Variants in SNAP29 observed in about 807,000 individuals in gnomAD.
SNAP29 encodes the protein synaptosomal-associated protein 29.
SNAP29 carries 13 observed loss-of-function variants against 27.9 expected under a neutral mutation model. The ratio of observed to expected loss-of-function variants is 0.47; its 90% confidence interval spans 0.30 to 0.74. The LOEUF is 0.74. SNAP29 is among the 30% of genes least tolerant of loss of function. SNAP29 has a pLI of 0.06. For synonymous variants in SNAP29, 119 were observed against 127.1 expected (o/e 0.94, Z 0.43); for missense variants, 368 against 336.5 (o/e 1.09, Z -0.73).
chr22:20,873,490 C>T (rs1928645811), intron 2 of SNAP29, among the ~76,000 whole-genome samples: 1 of 151,958 alleles, frequency 6.6e-6, no homozygotes, highest in South Asian at 2.1e-4. Context: ...TGGGGAGAAA[C>T]CAGTGTAGGT....
rs536610214 is a variant in SNAP29 at position 20,879,074 on chromosome 22, A to G, written c.435-1975A>G. 3.7e-4 allele frequency among the ~76,000 whole-genome samples: 56 copies of G among 152,208 alleles called. No individual in the cohort carries two copies. In the South Asian group the frequency reaches 0.011, roughly 30 times the overall value. On this transcript the variant is annotated intron_variant, in intron 2 of 4. Coordinates refer to ENST00000215730, the MANE Select transcript of SNAP29 (RefSeq NM_004782.4). ...TGTAATCCCAGCACTTTGGGAGGCC[A>G]AGGTGGGCGGATCACGAGGTCAGGA...
chr22:20,873,964 C>CAAA lies in SNAP29; in HGVS notation c.434+3458_434+3460dup, dbSNP rs362036. Among the ~76,000 whole-genome samples the CAAA allele has an allele frequency of 3.1e-4, 8 of 25,976 alleles. 1 individual carries two copies. The highest frequency in any genetic ancestry group is 5.0e-4 in the Non-Finnish European group (8 of 15,944). The allele number at this position is 25,976 out of a possible 152,430, so 17.0% of individuals were successfully genotyped here. On this transcript the variant is annotated intron_variant, in intron 2 of 4. Transcript: ENST00000215730. ...CCTGGGTAACAGTGAGACTCTGTCTCAAAAAAAAAAAAAAAAAAAAAAAAA... is the reference window on the plus strand; with the variant it reads ...CCTGGGTAACAGTGAGACTCTGTCTCAAAAAAAAAAAAAAAAAAAAAAAAAAAA...
At chr22:20,882,196 T>C (rs1427336767) in intron 3 of SNAP29, among the ~76,000 whole-genome samples, 1 of 151,832 alleles carries the variant, frequency 6.6e-6, no homozygotes, top group Non-Finnish European at 1.5e-5. Context: ...CATGTTGGAC[T>C]TCTGACCTCC....
chr22:20,874,129 T>G (rs178072), intron 2 of SNAP29, among the ~76,000 whole-genome samples: 150,006 of 150,006 alleles, frequency 1, 75,003 homozygotes, highest in Non-Finnish European at 1. Context: ...CAAAATATTA[T>G]CCGGGTGTGG....
intron 2 of SNAP29, among the ~76,000 whole-genome samples, chr22:20,877,937 C>A (rs60873854): frequency 6.6e-6 from 1 of 152,340 alleles, no homozygotes; most frequent in East Asian, 1.9e-4. Flanking sequence ...CACAGTGGTG[C>A]TTAGAGGAGC....
rs201708775 is a variant in SNAP29 at position 20,859,175 on chromosome 22, C to T, written c.65C>T (p.Pro22Leu). 22 of 1,604,748 alleles carry T rather than the reference C, an allele frequency of 1.4e-5. No homozygotes were observed. The African/African-American group carries it at 2.3e-4, about 17-fold the overall frequency. ...DDDGEDEGAR[P>L]APWRDARDLP... Reference sequence around the variant, plus strand: ...GACGGGGAGGACGAAGGCGCCCGGCCGGCCCCTTGGAGGGACGCCCGAGAC... The same window carrying T: ...GACGGGGAGGACGAAGGCGCCCGGCTGGCCCCTTGGAGGGACGCCCGAGAC... Residue 22 changes from proline to leucine, a missense_variant, in exon 1 of 5, where the codon CCG (proline) becomes CTG (leucine). Coordinates refer to ENST00000215730, the MANE Select transcript of SNAP29 (RefSeq NM_004782.4).
intron 2 of SNAP29, among the ~76,000 whole-genome samples, chr22:20,871,318 T>TAA (rs58734687): frequency 7.7e-6 from 1 of 130,502 alleles, no homozygotes; most frequent in Non-Finnish European, 1.7e-5. Flanking sequence ...CTATAAAAAC[T>TAA]AAAAAAAAAA....
rs140626919 is a variant in SNAP29 at position 20,890,715 on chromosome 22, C to T, written c.*2879C>T. 5.9e-3 allele frequency: 868 copies of T among 148,342 alleles called. 7 individuals carry two copies. The highest frequency in any genetic ancestry group is 0.051 in the East Asian group (271 of 5,298). 9.2% of individuals were successfully genotyped at this position (148,342 alleles called of 1,614,324 possible). On this transcript the variant is annotated 3_prime_UTR_variant, in exon 5 of 5. Transcript: ENST00000215730. ...CAGAGCTTGCAGTGAGCCGAGACAG[C>T]GCCATTGCACTCCAGCCTGGGCAAC...
chr22:20,890,600 A>C lies in SNAP29; in HGVS notation c.*2764A>C. ...GTGAAACCCCATCTCTACTAAAAAC[A>C]CACAAAAAATTAGCTGGGCGTGGTG... is the stretch of plus-strand genomic sequence containing the variant. On this transcript the variant is annotated 3_prime_UTR_variant, in exon 5 of 5. Coordinates refer to ENST00000215730, the MANE Select transcript of SNAP29 (RefSeq NM_004782.4). 1 of 279,274 alleles carries C rather than the reference A, an allele frequency of 3.6e-6. No homozygotes were observed. The highest frequency in any genetic ancestry group is 6.6e-6 in the Non-Finnish European group (1 of 152,022). The allele number at this position is 279,274 out of a possible 1,614,324, so 17.3% of individuals were successfully genotyped here. A position where few individuals can be genotyped will look rare whatever the true frequency, so the allele number is the denominator to read the frequency against.
At chr22:20,859,454 A>G in intron 1 of SNAP29, 107 bp downstream of exon 1, 1 of 878,704 alleles carries the variant, frequency 1.1e-6, no homozygotes, top group Non-Finnish European at 1.9e-6. Context: ...GTTGCCTAGC[A>G]TAGATTCTTG....
Position 20,888,430 on chromosome 22 carries a change from CCATCTTG to C in SNAP29, c.*596_*602del, listed in dbSNP as rs1362886220. The stretch of plus-strand genomic sequence containing the variant: ...GTGTTAGAATGGGAAATAGAGTGTG[CCATCTTG>C]CTCTTTTGTTGGCAGATGTCCCCGC... On this transcript the variant is annotated 3_prime_UTR_variant, in exon 5 of 5. Coordinates refer to ENST00000215730, the MANE Select transcript of SNAP29 (RefSeq NM_004782.4). 3 of 167,550 alleles carry C rather than the reference CCATCTTG, an allele frequency of 1.8e-5. No individual in the cohort carries two copies. Among genetic ancestry groups the C allele is most frequent in the South Asian group, 3.0e-4 (2 of 6,616 alleles). 10.4% of individuals were successfully genotyped at this position (167,550 alleles called of 1,614,324 possible).
At chr22:20,859,719 A>T (rs1051501762) in intron 1 of SNAP29, 9 of 295,688 alleles carry the variant, frequency 3.0e-5, no homozygotes, top group Non-Finnish European at 5.8e-5. Context: ...TCCTGTGCAA[A>T]ATCTGGCACA....
At chr22:20,876,667 A>G (rs1928753678) in intron 2 of SNAP29, among the ~76,000 whole-genome samples, 1 of 147,282 alleles carries the variant, frequency 6.8e-6, no homozygotes, top group African/African-American at 2.5e-5. Context: ...TCCCACGTTC[A>G]CGCCATTCTC....
At chr22:20,874,912 T>A (rs549647122) in intron 2 of SNAP29, among the ~76,000 whole-genome samples, 1 of 152,300 alleles carries the variant, frequency 6.6e-6, no homozygotes, top group Non-Finnish European at 1.5e-5. Flanking sequence ...ATCCTCCATG[T>A]ACAAACTCAG....
intron 1 of SNAP29, among the ~76,000 whole-genome samples, chr22:20,868,337 C>T (rs980496603): frequency 6.6e-6 from 1 of 152,104 alleles, no homozygotes; most frequent in African/African-American, 2.4e-5. Flanking sequence ...AAAACATAAA[C>T]GTTGAAAGCT....
At chr22:20,861,913 G>A (rs1234714266) in intron 1 of SNAP29, among the ~76,000 whole-genome samples, 2 of 152,202 alleles carry the variant, frequency 1.3e-5, no homozygotes, top group Non-Finnish European at 2.9e-5. Context: ...GATTACAGGC[G>A]TGAGCGACCA....
intron 1 of SNAP29, among the ~76,000 whole-genome samples, chr22:20,869,133 G>A (rs1032415982): frequency 6.6e-6 from 1 of 152,156 alleles, no homozygotes; most frequent in Non-Finnish European, 1.5e-5. Context: ...GGTGGCAGGC[G>A]CCTGGAATCC....
At chr22:20,884,022 GA>G (rs1290573444) in intron 4 of SNAP29, among the ~76,000 whole-genome samples, 2 of 152,146 alleles carry the variant, frequency 1.3e-5, no homozygotes, top group Non-Finnish European at 2.9e-5. Flanking sequence ...CCTCCAGCAT[GA>G]TGTTTCAAAA....
At chr22:20,879,130 ACC>A (rs1261839683) in intron 2 of SNAP29, among the ~76,000 whole-genome samples, 2 of 151,658 alleles carry the variant, frequency 1.3e-5, no homozygotes, top group South Asian at 2.1e-4. Context: ...ACACGGTGAA[ACC>A]CCGTCTCCAC....
Sources: gnomAD v4.1 joint callset for allele counts (sites outside exome capture counted in the v4.1 genomes callset) on GRCh38, gnomAD v4.1.1 for gene constraint, MANE v1.5 for transcripts, NCBI Gene and HGNC (gene_info 2026-07-23, HGNC 2026-07-21) for gene names.